STPG2: variants seen among roughly 807,000 people sequenced by gnomAD.
The protein encoded by STPG2 is sperm tail PG-rich repeat containing 2.
In STPG2, 56 loss-of-function variants were observed where a neutral mutation model predicts 54.2. The ratio of observed to expected loss-of-function variants is 1.03; its 90% CI spans 0.83 to 1.29. The LOEUF is 1.29. STPG2 is among the 50% of genes most tolerant of loss of function. The pLI is 0.00. For missense variants in STPG2, 596 were observed against 544.9 expected, an observed-to-expected ratio of 1.09 and a Z score of -0.93; for synonymous variants, 200 against 181.8, an observed-to-expected ratio of 1.10 and a Z score of -0.81.
chr4:97,736,127 A>T (rs1724980238), intron 9 of STPG2, among the ~76,000 whole-genome samples: 1 of 152,062 alleles, frequency 6.6e-6, no homozygotes, highest in Non-Finnish European at 1.5e-5. Flanking sequence ...GAAAAGTAAA[A>T]TGTCAATTCC....
chr4:97,710,560 C>G (rs544099086), intron 10 of STPG2, among the ~76,000 whole-genome samples: 1 of 152,006 alleles, frequency 6.6e-6, no homozygotes, highest in Non-Finnish European at 1.5e-5. Context: ...AATTGCAATT[C>G]TAAATCAATA....
At chr4:98,101,615 A>C (rs766759079) in intron 5 of STPG2, among the ~76,000 whole-genome samples, 24 of 152,176 alleles carry the variant, frequency 1.6e-4, no homozygotes, top group African/African-American at 5.6e-4. Context: ...ACGCAAGAGC[A>C]GCAGCGTAGC....
chr4:97,599,384 T>C (rs947189619), intron 10 of STPG2, among the ~76,000 whole-genome samples: 36 of 152,186 alleles, frequency 2.4e-4, no homozygotes, highest in African/African-American at 8.2e-4. Context: ...GACTCAGCAA[T>C]CCCATTATTG....
chr4:98,137,718 T>A (rs1740173355), intron 1 of STPG2, among the ~76,000 whole-genome samples: 1 of 150,918 alleles, frequency 6.6e-6, no homozygotes, highest in African/African-American at 2.4e-5. Context: ...TGCAGAGTAC[T>A]GAAATTCATA....
At chr4:97,703,379 A>G (rs1723835995) in intron 10 of STPG2, among the ~76,000 whole-genome samples, 1 of 146,554 alleles carries the variant, frequency 6.8e-6, no homozygotes. Context: ...CTAGAGGGTC[A>G]GAACTAATAG....
At chr4:97,638,725 C>G in intron 10 of STPG2, among the ~76,000 whole-genome samples, 2 of 147,356 alleles carry the variant, frequency 1.4e-5, no homozygotes, top group African/African-American at 5.2e-5. Context: ...ATTTATGCAG[C>G]CAAAAAACAC....
downstream of STPG2, among the ~76,000 whole-genome samples, chr4:97,555,972 G>A (rs890615412): frequency 6.6e-6 from 1 of 151,986 alleles, no homozygotes; most frequent in African/African-American, 2.4e-5. Flanking sequence ...CTCCATAAAT[G>A]TTTTACCATA....
At chr4:97,479,151 C>T (rs891338680) in intron 4 of STPG2, among the ~76,000 whole-genome samples, 2 of 151,880 alleles carry the variant, frequency 1.3e-5, no homozygotes, top group Admixed American at 1.3e-4. Flanking sequence ...CACACACACA[C>T]ACACACAAAC....
chr4:97,678,641 A>ATTG (rs1223972210), intron 10 of STPG2, among the ~76,000 whole-genome samples: 2 of 151,406 alleles, frequency 1.3e-5, no homozygotes, highest in Middle Eastern at 3.4e-3. Context: ...TATTATTATT[A>ATTG]TACTTTAAGT....
At chr4:97,484,411 T>A (rs1730303089) in intron 4 of STPG2, among the ~76,000 whole-genome samples, 1 of 151,564 alleles carries the variant, frequency 6.6e-6, no homozygotes, top group African/African-American at 2.4e-5. Context: ...ATACAAAAGA[T>A]CATTCAAGGC....
chr4:98,112,999 T>A, intron 3 of STPG2, among the ~76,000 whole-genome samples: 1 of 138,450 alleles, frequency 7.2e-6, no homozygotes. Flanking sequence ...TCCTTTTGAG[T>A]GTGAAGAAAC....
intron 10 of STPG2, among the ~76,000 whole-genome samples, chr4:97,607,248 A>G (rs1462050093): frequency 6.7e-6 from 1 of 148,576 alleles, no homozygotes. Flanking sequence ...ATTTTATCTC[A>G]GCTGTGTTTC....
intron 7 of STPG2, among the ~76,000 whole-genome samples, chr4:97,953,555 C>A (rs1325872500): frequency 6.6e-6 from 1 of 152,232 alleles, no homozygotes; most frequent in East Asian, 1.9e-4. Context: ...CCCCCCATGA[C>A]ACAGAATCAG....
chr4:97,634,602 G>A (rs1424998429), intron 10 of STPG2, among the ~76,000 whole-genome samples: 3 of 150,474 alleles, frequency 2.0e-5, no homozygotes, highest in African/African-American at 4.9e-5. Context: ...AAAAAATTTA[G>A]AAGAATGTAT....
At chr4:97,798,316 A>C (rs1475493507) in intron 9 of STPG2, among the ~76,000 whole-genome samples, 2 of 152,116 alleles carry the variant, frequency 1.3e-5, no homozygotes, top group Admixed American at 1.3e-4. Flanking sequence ...TCATGTGGGC[A>C]TATAGTGCTA....
chr4:98,025,820 T>G (rs559741468), intron 5 of STPG2: 12 of 1,593,236 alleles, frequency 7.5e-6, no homozygotes, highest in Non-Finnish European at 8.5e-6. Context: ...TACCTGCTAT[T>G]TGGATGCAGG....
intron 10 of STPG2, among the ~76,000 whole-genome samples, chr4:97,694,078 G>C (rs1189923032): frequency 6.6e-6 from 1 of 151,994 alleles, no homozygotes; most frequent in African/African-American, 2.4e-5. Context: ...AGCACAAATA[G>C]ACAATCTAAG....
chr4:97,648,676 T>C (rs1721981568), intron 10 of STPG2, among the ~76,000 whole-genome samples: 1 of 152,114 alleles, frequency 6.6e-6, no homozygotes, highest in Non-Finnish European at 1.5e-5. Context: ...TATGAGACAA[T>C]GGGACTCATT....
intron 10 of STPG2, among the ~76,000 whole-genome samples, chr4:97,584,700 C>T (rs557147404): frequency 3.3e-5 from 5 of 151,814 alleles, no homozygotes; most frequent in Non-Finnish European, 7.4e-5. Context: ...AGATATTACA[C>T]CAATACAGCA....
Sources: gnomAD v4.1 joint callset for allele counts (sites outside exome capture counted in the v4.1 genomes callset) on GRCh38, gnomAD v4.1.1 for gene constraint, MANE v1.5 for transcripts, NCBI Gene and HGNC (gene_info 2026-07-23, HGNC 2026-07-21) for gene names.